The following ACSL5 variants were observed in gnomAD, a reference collection of about 807,000 sequenced individuals.
ACSL5 encodes the protein acyl-CoA synthetase long chain family member 5.
Under a neutral mutation model 84.9 loss-of-function variants are expected in ACSL5, and 50 were observed. The observed-to-expected ratio is 0.59, with a 90% confidence interval of 0.47 to 0.75. The LOEUF is 0.75. Ranked by LOEUF, ACSL5 falls within the 30% of genes least tolerant of loss-of-function variation. The probability of loss-of-function intolerance (pLI) is 0.00; values close to 1 mark genes in which losing one functional copy is unlikely to be tolerated. For synonymous variants in ACSL5, 280 were observed against 300.7 expected, an observed-to-expected ratio of 0.93 and a Z score of 0.71; for missense variants, 775 against 830.4, an observed-to-expected ratio of 0.93 and a Z score of 0.82.
chr10:112,393,287 A>G (rs1486369685), intron 1 of ACSL5, among the ~76,000 whole-genome samples: 1 of 152,114 alleles, frequency 6.6e-6, no homozygotes. Flanking sequence ...CTCCCCCTAA[A>G]TGCAATATGG....
chr10:112,426,455 A>T (rs1365268702), intron 19 of ACSL5, 96 bp downstream of exon 19: 1 of 1,013,116 alleles, frequency 9.9e-7, no homozygotes, highest in Non-Finnish European at 1.5e-6. Context: ...AAGTGGCTGC[A>T]GCCCAAACAG....
At position 112,399,422 on chromosome 10, in the gene ACSL5, G is replaced by A. The variant is rs575624647; in HGVS notation, c.265+413G>A. Among the ~76,000 whole-genome samples, 20 of 152,252 alleles carry A rather than the reference G, an allele frequency of 1.3e-4. No individual in the cohort carries two copies. In the South Asian group the frequency reaches 2.5e-3, roughly 19 times the overall value. On this transcript the variant is annotated intron_variant, in intron 3 of 20. Coordinates refer to ENST00000354655, the MANE Select transcript of ACSL5 (RefSeq NM_203379.2). ...ATGTAATTCCCTGCATTTACAGATA[G>A]ACAATCTGAGCCAGGACTAGCAGTC...
intron 1 of ACSL5, among the ~76,000 whole-genome samples, chr10:112,376,603 G>A (rs923463558): frequency 3.9e-5 from 6 of 152,176 alleles, no homozygotes; most frequent in Admixed American, 2.0e-4. Context: ...CTCCCTCCTG[G>A]TCTCGGTCAT....
chr10:112,380,219 A>G (rs1371099397), intron 1 of ACSL5, among the ~76,000 whole-genome samples: 1 of 152,176 alleles, frequency 6.6e-6, no homozygotes, highest in Non-Finnish European at 1.5e-5. Flanking sequence ...TTCTGGGGTC[A>G]CATCCTGTGG....
intron 1 of ACSL5, among the ~76,000 whole-genome samples, chr10:112,381,457 C>T (rs1205456449): frequency 6.6e-6 from 1 of 150,812 alleles, no homozygotes; most frequent in East Asian, 2.0e-4. Flanking sequence ...CACTTGAAGT[C>T]AGAGTTCGAG....
rs34464188 is a variant in ACSL5 at position 112,414,352 on chromosome 10, CTTT to C, written c.1083+1064_1083+1066del. Among the ~76,000 whole-genome samples, 23 of 85,494 alleles carry C rather than the reference CTTT, an allele frequency of 2.7e-4. No homozygotes were observed. The East Asian group carries it at 4.2e-3, about 16-fold the overall frequency. 56.1% of individuals were successfully genotyped at this position (85,494 alleles called of 152,430 possible). A position where few individuals can be genotyped will look rare whatever the true frequency, so the allele number is the denominator to read the frequency against. On this transcript the variant is annotated intron_variant, in intron 12 of 20. Coordinates refer to ENST00000354655, the MANE Select transcript of ACSL5 (RefSeq NM_203379.2). ...AGATTTTTTTTTAATTTCAGTGATT[CTTT>C]TTTTTTTTTTTTTTTTTTGAGACAG...
chr10:112,418,114 C>G (rs1353875787), intron 14 of ACSL5, among the ~76,000 whole-genome samples, 173 bp downstream of exon 14: 1 of 152,146 alleles, frequency 6.6e-6, no homozygotes, highest in Admixed American at 6.5e-5. Flanking sequence ...TGTGTAGAAA[C>G]CTTCACATAA....
chr10:112,410,592 C>T lies in ACSL5; in HGVS notation c.753C>T (p.Ser251=), dbSNP rs770704506. The change falls in exon 9 of 21, where the codon AGC becomes AGT. Residue 251 remains serine (S), a synonymous_variant. Coordinates refer to ENST00000354655, the MANE Select transcript of ACSL5 (RefSeq NM_203379.2). ...KEHFRKPVPP[S]PEDLSVICFT... ...TGTGCTTCCTCCTCCAGCCTCCTAG[C>T]CCAGAAGACCTGAGCGTCATCTGCT... is the stretch of plus-strand genomic sequence containing the variant. 8.7e-6 allele frequency: 14 copies of T among 1,613,952 alleles called. No individual in the cohort carries two copies. The highest frequency in any genetic ancestry group is 6.7e-5 in the African/African-American group (5 of 74,892).
intron 16 of ACSL5, 122 bp downstream of exon 16, chr10:112,422,157 T>C: frequency 8.2e-7 from 1 of 1,212,992 alleles, no homozygotes; most frequent in Non-Finnish European, 1.2e-6. Flanking sequence ...GAATTAAGCA[T>C]TCTGAACTTC....
chr10:112,404,442 T>G lies in ACSL5; in HGVS notation c.266-69T>G, dbSNP rs1564737322. ...CTTTGTGTCTTGCCCCTTCTTAATC[T>G]CCTTTTAGCTTCCTTGGTCCAGAGA... On this transcript the variant is annotated intron_variant, in intron 3 of 20. Coordinates refer to ENST00000354655, the MANE Select transcript of ACSL5 (RefSeq NM_203379.2). 16 of 1,223,274 alleles carry G rather than the reference T, an allele frequency of 1.3e-5. 1 individual carries two copies. In the South Asian group the frequency reaches 1.9e-4, roughly 14 times the overall value. 75.8% of individuals were successfully genotyped at this position (1,223,274 alleles called of 1,614,324 possible).
intron 17 of ACSL5, among the ~76,000 whole-genome samples, chr10:112,423,801 T>C (rs923787691): frequency 2.0e-5 from 3 of 152,106 alleles, no homozygotes; most frequent in Admixed American, 6.5e-5. Context: ...CTGTCCTTTT[T>C]TTTTCCCCCT....
chr10:112,421,584 G>T lies in ACSL5; in HGVS notation c.1315-9G>T. ...GAGTAAGTCTAAAAGCTCTTCTTTG[G>T]TTTCCCAGGTGTATGAAGCTTATGG... On this transcript the variant is annotated splice_polypyrimidine_tract_variant and intron_variant, in intron 14 of 20. Transcript: ENST00000354655. The T allele has an allele frequency of 6.2e-7, 1 of 1,613,690 alleles. No individual in the cohort carries two copies. Among genetic ancestry groups the T allele is most frequent in the African/African-American group, 1.3e-5 (1 of 75,012 alleles).
intron 1 of ACSL5, among the ~76,000 whole-genome samples, chr10:112,380,018 A>G (rs969327380): frequency 3.9e-5 from 6 of 152,106 alleles, no homozygotes; most frequent in African/African-American, 1.4e-4. Flanking sequence ...GATCCAGTGG[A>G]CTTCTGACAC....
intron 11 of ACSL5, 125 bp downstream of exon 11, chr10:112,412,104 A>T: frequency 3.0e-6 from 3 of 1,009,160 alleles, no homozygotes; most frequent in Non-Finnish European, 4.6e-6. Flanking sequence ...GCAGGCAAGG[A>T]GTTGGCTCAT....
In ACSL5 at chr10:112,425,436, G is replaced by A. The variant is rs1162508912; in HGVS notation, c.1692G>A (p.Arg564=). ...APEKIENIYN[R]SQPVLQIFVH... ...AGAAGATAGAAAATATCTACAACAG[G>A]AGTCAACCAGTGTTACAAATTTTTG... The change falls in exon 18 of 21, where the codon AGG becomes AGA. Residue 564 remains arginine, a synonymous_variant. Coordinates refer to ENST00000354655, the MANE Select transcript of ACSL5 (RefSeq NM_203379.2). The A allele has an allele frequency of 5.0e-6, 8 of 1,613,124 alleles. No individual in the cohort carries two copies. Among genetic ancestry groups the A allele is most frequent in the Non-Finnish European group, 6.8e-6 (8 of 1,179,652 alleles).
intron 1 of ACSL5, among the ~76,000 whole-genome samples, chr10:112,388,131 G>T (rs941653490): frequency 6.6e-6 from 1 of 151,924 alleles, no homozygotes; most frequent in African/African-American, 2.4e-5. Flanking sequence ...GTAGAGATGG[G>T]GTTTCGCCAT....
intron 1 of ACSL5, among the ~76,000 whole-genome samples, chr10:112,390,605 A>G (rs1053117329): frequency 6.6e-6 from 1 of 152,228 alleles, no homozygotes. Context: ...CTTTGTTCAC[A>G]ATATCAAAAG....
chr10:112,389,707 T>A (rs1471207091), intron 1 of ACSL5, among the ~76,000 whole-genome samples: 1 of 152,152 alleles, frequency 6.6e-6, no homozygotes, highest in Non-Finnish European at 1.5e-5. Flanking sequence ...GGGTGACTTT[T>A]TTCCCCCTTG....
chr10:112,401,763 T>C (rs1356598532), intron 3 of ACSL5, among the ~76,000 whole-genome samples: 4 of 152,140 alleles, frequency 2.6e-5, no homozygotes, highest in African/African-American at 9.6e-5. Flanking sequence ...CTCTCTCCTT[T>C]CTTTCTTTCT....
Sources: allele counts gnomAD v4.1 joint callset (sites outside exome capture counted in the v4.1 genomes callset), GRCh38; gene constraint gnomAD v4.1.1; transcripts MANE v1.5; gene names NCBI Gene and HGNC (gene_info 2026-07-23, HGNC 2026-07-21).